C1orf185: variants seen among roughly 807,000 people sequenced by gnomAD.
C1orf185 encodes uncharacterized protein C1orf185.
A neutral mutation model predicts 16.1 loss-of-function variants in C1orf185; 13 were observed. The observed-to-expected ratio is 0.81, with a 90% CI of 0.53 to 1.28. C1orf185 has a LOEUF of 1.28. Ranked by LOEUF, C1orf185 falls within the 50% of genes most tolerant of loss-of-function variation. The probability of loss-of-function intolerance (pLI) is 0.00; values close to 1 mark genes in which losing one functional copy is unlikely to be tolerated. For missense variants in C1orf185, 220 were observed against 225.2 expected (o/e 0.98, Z 0.15); for synonymous variants, 80 against 76.9 (o/e 1.04, Z -0.21).
At chr1:51,119,761 C>T (rs921610912) in intron 3 of C1orf185, among the ~76,000 whole-genome samples, 12 of 152,202 alleles carry the variant, frequency 7.9e-5, no homozygotes, top group Non-Finnish European at 4.4e-5. Flanking sequence ...GACTGCGCTA[C>T]TGCACTCCAG....
At chr1:51,103,655 G>GC (rs1646049545) in intron 1 of C1orf185, among the ~76,000 whole-genome samples, 1 of 150,784 alleles carries the variant, frequency 6.6e-6, no homozygotes. Flanking sequence ...TGCCTCAGCT[G>GC]CCCCGCTAAC....
At chr1:51,140,930 G>C (rs547403951) in intron 3 of C1orf185, among the ~76,000 whole-genome samples, 1 of 152,166 alleles carries the variant, frequency 6.6e-6, no homozygotes, top group South Asian at 2.1e-4. Flanking sequence ...CTGTATACTT[G>C]TTTTATTGAC....
chr1:51,127,885 GTTT>G (rs769457494), intron 3 of C1orf185, among the ~76,000 whole-genome samples: 3 of 115,298 alleles, frequency 2.6e-5, no homozygotes, highest in Non-Finnish European at 5.5e-5. Flanking sequence ...TCTTTTCTTT[GTTT>G]TTTTTTTTTT....
At chr1:51,144,100 C>T (rs1478624303) in intron 3 of C1orf185, among the ~76,000 whole-genome samples, 3 of 152,142 alleles carry the variant, frequency 2.0e-5, no homozygotes, top group East Asian at 3.9e-4. Flanking sequence ...AATGCCCATT[C>T]GGCATTCCCT....
chr1:51,121,979 G>T (rs1470567572), intron 3 of C1orf185, among the ~76,000 whole-genome samples: 1 of 151,906 alleles, frequency 6.6e-6, no homozygotes, highest in Admixed American at 6.6e-5. Flanking sequence ...TTATAGTTTT[G>T]CCATAAATGT....
At chr1:51,112,649 TTAAA>T in intron 2 of C1orf185, 80 bp downstream of exon 2, 10 of 1,251,784 alleles carry the variant, frequency 8.0e-6, no homozygotes, top group Non-Finnish European at 9.9e-6. Context: ...GGAAGTAAAC[TTAAA>T]TAACTATGAT....
In C1orf185 at chr1:51,134,571, AAAAATAAAAT is replaced by A. The variant is rs759073158; in HGVS notation, c.259-11136_259-11127del. On this transcript the variant is annotated intron_variant, in intron 3 of 4. Coordinates refer to ENST00000371759, the MANE Select transcript of C1orf185 (RefSeq NM_001136508.2). ...ATGAATCCAGGAGCTGGTTTTCTGA[AAAAATAAAAT>A]AAAATAAAATAAAATAGACCACTAG... Among the ~76,000 whole-genome samples, 19 of 152,184 alleles carry A rather than the reference AAAAATAAAAT, an allele frequency of 1.2e-4. No individual in the cohort carries two copies. In the South Asian group the frequency reaches 1.5e-3, roughly 12 times the overall value.
At chr1:51,106,785 G>A (rs1461439724) in intron 1 of C1orf185, among the ~76,000 whole-genome samples, 1 of 146,210 alleles carries the variant, frequency 6.8e-6, no homozygotes, top group Non-Finnish European at 1.5e-5. Context: ...TTGAGACAGA[G>A]TCTTGCTGTG....
chr1:51,132,403 C>T (rs1294007653), intron 3 of C1orf185, among the ~76,000 whole-genome samples: 18 of 152,132 alleles, frequency 1.2e-4, no homozygotes. Flanking sequence ...ACCTCACAAA[C>T]CTGATAGAGC....
intron 1 of C1orf185, among the ~76,000 whole-genome samples, chr1:51,108,410 C>T (rs550847600): frequency 1.1e-4 from 16 of 152,190 alleles, no homozygotes; most frequent in African/African-American, 3.9e-4. Context: ...CCTCACCTCA[C>T]GCATTTGTCT....
chr1:51,102,865 T>G (rs1646041949), intron 1 of C1orf185, among the ~76,000 whole-genome samples: 1 of 152,142 alleles, frequency 6.6e-6, no homozygotes, highest in South Asian at 2.1e-4. Flanking sequence ...GGCCATATAT[T>G]TTCCTTAAAT....
At chr1:51,108,890 G>A (rs925357525) in intron 1 of C1orf185, among the ~76,000 whole-genome samples, 1 of 152,172 alleles carries the variant, frequency 6.6e-6, no homozygotes, top group South Asian at 2.1e-4. Context: ...GGGTACAGAT[G>A]TCACTTTAGT....
chr1:51,117,135 T>C (rs1646163829), intron 2 of C1orf185, among the ~76,000 whole-genome samples: 1 of 152,208 alleles, frequency 6.6e-6, no homozygotes, highest in Non-Finnish European at 1.5e-5. Flanking sequence ...CCTACCACTA[T>C]ATATACAACA....
At chr1:51,128,658 G>A (rs373875909) in intron 3 of C1orf185, among the ~76,000 whole-genome samples, 21 of 152,028 alleles carry the variant, frequency 1.4e-4, no homozygotes, top group East Asian at 7.8e-4. Flanking sequence ...GTGCCACTGC[G>A]CTCCAGCCTG....
At chr1:51,109,957 G>T (rs1040887022) in intron 1 of C1orf185, among the ~76,000 whole-genome samples, 8 of 151,878 alleles carry the variant, frequency 5.3e-5, no homozygotes, top group Admixed American at 5.3e-4. Flanking sequence ...GGATTCTATT[G>T]AATCTGTAGA....
chr1:51,144,179 T>C (rs1646384211), intron 3 of C1orf185, among the ~76,000 whole-genome samples: 1 of 152,160 alleles, frequency 6.6e-6, no homozygotes, highest in Non-Finnish European at 1.5e-5. Flanking sequence ...ATATCAACAT[T>C]ACCTAGGCGA....
chr1:51,110,377 T>C (rs1326024623), intron 1 of C1orf185, among the ~76,000 whole-genome samples: 1 of 152,210 alleles, frequency 6.6e-6, no homozygotes. Context: ...ATATTAAAAG[T>C]ATCACTTTGA....
chr1:51,143,279 T>C (rs1327102391), intron 3 of C1orf185, among the ~76,000 whole-genome samples: 1 of 152,232 alleles, frequency 6.6e-6, no homozygotes, highest in Non-Finnish European at 1.5e-5. Context: ...AAATCTTAAC[T>C]AAACTGTAGC....
At chr1:51,129,427 A>C (rs1646267288) in intron 3 of C1orf185, among the ~76,000 whole-genome samples, 1 of 151,988 alleles carries the variant, frequency 6.6e-6, no homozygotes. Context: ...GTCATGTAAC[A>C]TGTGGTCTTT....
Sources: allele counts gnomAD v4.1 joint callset (sites outside exome capture counted in the v4.1 genomes callset), GRCh38; gene constraint gnomAD v4.1.1; transcripts MANE v1.5; gene names NCBI Gene and HGNC (gene_info 2026-07-23, HGNC 2026-07-21).